UGT3A1: variants seen among roughly 807,000 people sequenced by gnomAD.
The protein encoded by UGT3A1 is UDP-glycosyltransferase 3A1.
A neutral mutation model predicts 37.6 loss-of-function variants in UGT3A1; 40 were observed. The ratio of observed to expected loss-of-function variants is 1.06; its 90% CI spans 0.83 to 1.38. UGT3A1 has a LOEUF of 1.38. Ranked by LOEUF, UGT3A1 falls within the 40% of genes most tolerant of loss-of-function variation. The pLI is 0.00. For synonymous variants in UGT3A1, 256 were observed against 232.3 expected (o/e 1.10, Z -0.93); for missense variants, 642 against 634.2 (o/e 1.01, Z -0.13).
rs377582707 is a variant in UGT3A1 at position 35,958,085 on chromosome 5, ATTG to A, written c.844-669_844-667del. On this transcript the variant is annotated intron_variant, in intron 4 of 6. Transcript: ENST00000274278. Reference sequence around the variant, plus strand: ...GCATATATATTTATAGCTCTTATATATTGTTGATGATATTTCATATATTATTTT... The same window carrying A: ...GCATATATATTTATAGCTCTTATATATTGATGATATTTCATATATTATTTT... 2.5e-3 allele frequency among the ~76,000 whole-genome samples: 382 copies of A among 152,228 alleles called. 16 individuals are homozygous for A. In the South Asian group the frequency reaches 0.071, roughly 28 times the overall value.
At chr5:35,994,329 T>TGTGTGTG (rs752734156), upstream of UGT3A1, among the ~76,000 whole-genome samples, 1 of 89,524 alleles carries the variant, frequency 1.1e-5, no homozygotes, top group Non-Finnish European at 2.7e-5. Flanking sequence ...TTGTTTTGTT[T>TGTGTGTG]TGTTTGTGTG....
At position 35,991,373 on chromosome 5, in the gene UGT3A1, C is replaced by G; in HGVS notation, c.-133G>C. ...GGAAGAGGTAGGAGACGGATCCTGC[C>G]AATTCTCTCGCCCTTCTGTTCGTTC... On this transcript the variant is annotated 5_prime_UTR_variant, in exon 1 of 7. Coordinates refer to ENST00000274278, the MANE Select transcript of UGT3A1 (RefSeq NM_152404.4). 6.7e-7 allele frequency: 1 copy of G among 1,487,228 alleles called. No homozygotes were observed. The allele number at this position is 1,487,228 out of a possible 1,614,324, so 92.1% of individuals were successfully genotyped here. A position where few individuals can be genotyped will look rare whatever the true frequency, so the allele number is the denominator to read the frequency against.
rs375449121 is a variant in UGT3A1, at chr5:35,955,634, G to A, written c.1295+11C>T. ...CAGCCTTAGTGACCACATGCTTAGA[G>A]AGCCACATACCTCTTGTCTTCTATG... On this transcript the variant is annotated intron_variant, in intron 6 of 6. Transcript: ENST00000274278. The A allele has an allele frequency of 3.1e-6, 5 of 1,614,018 alleles. No individual in the cohort carries two copies. Among genetic ancestry groups the A allele is most frequent in the African/African-American group, 1.3e-5 (1 of 74,936 alleles).
chr5:35,967,200 T>G (rs1479643852), intron 3 of UGT3A1, among the ~76,000 whole-genome samples: 1 of 152,176 alleles, frequency 6.6e-6, no homozygotes, highest in Non-Finnish European at 1.5e-5. Context: ...TGCCATAGAC[T>G]AAGTATCAAA....
intron 1 of UGT3A1, among the ~76,000 whole-genome samples, chr5:36,000,118 A>G (rs1741187878): frequency 6.6e-6 from 1 of 152,178 alleles, no homozygotes; most frequent in Non-Finnish European, 1.5e-5. Context: ...ATCTAAGTTC[A>G]CGAAGGCATT....
intron 6 of UGT3A1, 52 bp downstream of exon 6, chr5:35,955,593 G>A: frequency 6.3e-7 from 1 of 1,595,214 alleles, no homozygotes; most frequent in South Asian, 1.1e-5. Context: ...TATCCCTTGT[G>A]TTTTCTATCT....
rs767915597 is a variant in UGT3A1, at chr5:35,988,571, TC to T, written c.95-21del. 61 of 1,566,264 alleles carry T rather than the reference TC, an allele frequency of 3.9e-5. No homozygotes were observed. Among genetic ancestry groups the T allele is most frequent in the Non-Finnish European group, 5.3e-5 (61 of 1,149,140 alleles). On this transcript the variant is annotated intron_variant, in intron 1 of 6. Transcript: ENST00000274278. ...TTCCACCTAGAAACAATGCACAATG[TC>T]TTTTGTAAAGATGAAAATAGAGTTT...
chr5:35,988,230 G>A (rs529713883), intron 2 of UGT3A1, among the ~76,000 whole-genome samples: 1 of 152,100 alleles, frequency 6.6e-6, no homozygotes, highest in Admixed American at 6.5e-5. Context: ...ATGACACCCA[G>A]GTAAGTGGTA....
chr5:35,963,808 G>A (rs555002319), intron 4 of UGT3A1, among the ~76,000 whole-genome samples: 5 of 152,300 alleles, frequency 3.3e-5, no homozygotes, highest in Admixed American at 2.0e-4. Context: ...GCCAGGTACC[G>A]AGCTGGGAAG....
intron 2 of UGT3A1, among the ~76,000 whole-genome samples, chr5:35,978,475 T>C (rs1740383002): frequency 6.6e-6 from 1 of 152,176 alleles, no homozygotes; most frequent in South Asian, 2.1e-4. Flanking sequence ...GCCCATCTTA[T>C]ATCACAACAG....
At chr5:35,992,765 CA>C (rs1740989361), upstream of UGT3A1, among the ~76,000 whole-genome samples, 1 of 152,032 alleles carries the variant, frequency 6.6e-6, no homozygotes, top group Non-Finnish European at 1.5e-5. Context: ...AAAATGAGCA[CA>C]AAACTTGATG....
At chr5:35,996,037 A>C (rs945282100), upstream of UGT3A1, among the ~76,000 whole-genome samples, 2 of 151,778 alleles carry the variant, frequency 1.3e-5, no homozygotes, top group African/African-American at 4.8e-5. Context: ...AAAAAAAAAA[A>C]AGGAGAAATA....
intron 1 of UGT3A1, among the ~76,000 whole-genome samples, chr5:35,999,040 C>A (rs1391243997): frequency 1.3e-5 from 2 of 151,848 alleles, no homozygotes; most frequent in African/African-American, 4.8e-5. Flanking sequence ...ATTGAGACCA[C>A]CCCGGCTAAC....
chr5:35,978,866 A>G (rs963579678), intron 2 of UGT3A1, among the ~76,000 whole-genome samples: 1 of 152,220 alleles, frequency 6.6e-6, no homozygotes, highest in Admixed American at 6.5e-5. Flanking sequence ...CAAGTTAGTT[A>G]CTTCCTAGTT....
At position 35,981,684 on chromosome 5, in the gene UGT3A1, G is replaced by T. The variant is rs75975540; in HGVS notation, c.196+6766C>A. 5.3e-3 allele frequency among the ~76,000 whole-genome samples: 802 copies of T among 152,304 alleles called. 7 individuals carry two copies. The highest frequency in any genetic ancestry group is 0.019 in the African/African-American group (778 of 41,568). The stretch of plus-strand genomic sequence containing the variant: ...TATAGCATAAACATTTGAAAAATTT[G>T]CCACCTGACCATGTGGTAGAAAAGA... On this transcript the variant is annotated intron_variant, in intron 2 of 6. Coordinates refer to ENST00000274278, the MANE Select transcript of UGT3A1 (RefSeq NM_152404.4).
intron 2 of UGT3A1, among the ~76,000 whole-genome samples, chr5:35,972,971 G>A (rs1354996628): frequency 6.6e-6 from 1 of 151,954 alleles, no homozygotes; most frequent in Non-Finnish European, 1.5e-5. Context: ...GAATTACGGT[G>A]CAATTTAATT....
In UGT3A1 at chr5:35,952,447, C is replaced by T. The variant is rs1453580075; in HGVS notation, c.*1755G>A. The T allele has an allele frequency of 6.6e-6, 1 of 152,166 alleles. No homozygotes were observed. Among genetic ancestry groups the T allele is most frequent in the African/African-American group, 2.4e-5 (1 of 41,428 alleles). The allele number at this position is 152,166 out of a possible 1,614,324, so 9.4% of individuals were successfully genotyped here. ...CCCTGTGGAGGGTGCTTGGACAGAG[C>T]AAGATTAGAAGCATCATTCTGGCTC... On this transcript the variant is annotated 3_prime_UTR_variant, in exon 7 of 7. Coordinates refer to ENST00000274278, the MANE Select transcript of UGT3A1 (RefSeq NM_152404.4).
chr5:35,977,382 C>T (rs1160241521), intron 2 of UGT3A1, among the ~76,000 whole-genome samples: 2 of 152,068 alleles, frequency 1.3e-5, no homozygotes, highest in African/African-American at 4.8e-5. Context: ...ATGTTTGCCC[C>T]CTCCAAATCT....
chr5:35,974,256 C>T (rs771794021), intron 2 of UGT3A1, among the ~76,000 whole-genome samples: 1 of 151,986 alleles, frequency 6.6e-6, no homozygotes, highest in African/African-American at 2.4e-5. Context: ...TGAAATTAGA[C>T]CCTAATTCCA....
Sources: allele counts gnomAD v4.1 joint callset (sites outside exome capture counted in the v4.1 genomes callset), GRCh38; gene constraint gnomAD v4.1.1; transcripts MANE v1.5; gene names NCBI Gene and HGNC (gene_info 2026-07-23, HGNC 2026-07-21).